Variants in UBE4B observed in about 807,000 individuals in gnomAD.
UBE4B encodes the protein ubiquitin conjugation factor E4 B.
In UBE4B, 27 loss-of-function variants were observed where a neutral mutation model predicts 148.1. That is an observed-to-expected ratio of 0.18 (90% CI 0.13 to 0.25). The LOEUF (loss-of-function observed/expected upper bound fraction) is 0.25. Among genes scored for constraint, UBE4B ranks in the 10% least tolerant of loss-of-function variants. The pLI is 1.00. For missense variants in UBE4B, 1,170 were observed against 1,662.4 expected (o/e 0.70, Z 5.15); for synonymous variants, 596 against 619.3 (o/e 0.96, Z 0.56).
chr1:10,073,920 A>ATTTTTTTTTTTTTTTTT (rs947131085), intron 2 of UBE4B, among the ~76,000 whole-genome samples: 1 of 74,852 alleles, frequency 1.3e-5, no homozygotes, highest in African/African-American at 5.6e-5. Flanking sequence ...CTTTCTTTCT[A>ATTTTTTTTTTTTTTTTT]TTTTTTTTTT....
chr1:10,051,666 A>G (rs1024063894), intron 1 of UBE4B, among the ~76,000 whole-genome samples: 3 of 152,128 alleles, frequency 2.0e-5, no homozygotes, highest in Non-Finnish European at 4.4e-5. Context: ...GTGAAGGTGG[A>G]GTGTAGAGCT....
chr1:10,047,258 A>G (rs1275535085), intron 1 of UBE4B, among the ~76,000 whole-genome samples: 1 of 151,992 alleles, frequency 6.6e-6, no homozygotes, highest in African/African-American at 2.4e-5. Context: ...ATTTTTTTCT[A>G]TTTCAAGTGA....
chr1:10,118,212 A>T (rs2101916619), intron 8 of UBE4B, among the ~76,000 whole-genome samples: 1 of 152,246 alleles, frequency 6.6e-6, no homozygotes, highest in East Asian at 1.9e-4. Context: ...TTCTGATTTT[A>T]ATTTTACGTT....
intron 21 of UBE4B, among the ~76,000 whole-genome samples, chr1:10,154,793 G>A (rs1175369227): frequency 4.0e-5 from 6 of 150,968 alleles, no homozygotes; most frequent in Non-Finnish European, 2.9e-5. Context: ...AGTGAGCCAA[G>A]ATCGTGCCAT....
chr1:10,176,485 C>A (rs1377819061), intron 25 of UBE4B, among the ~76,000 whole-genome samples: 1 of 152,110 alleles, frequency 6.6e-6, no homozygotes, highest in African/African-American at 2.4e-5. Context: ...AGTTTCCATT[C>A]TTTTTCATTT....
Position 10,110,574 on chromosome 1 carries a change from C to A in UBE4B, c.1196+3991C>A, listed in dbSNP as rs562256476. ...GTTGATCTGAAAAAAAAAATTACCCCATGGTAAAGGTACCGCAGAAGTTAT... is the reference window on the plus strand; with the variant it reads ...GTTGATCTGAAAAAAAAAATTACCCAATGGTAAAGGTACCGCAGAAGTTAT... On this transcript the variant is annotated intron_variant, in intron 7 of 27. Transcript: ENST00000343090. 9.2e-5 allele frequency among the ~76,000 whole-genome samples: 14 copies of A among 152,126 alleles called. No homozygotes were observed. The South Asian group carries it at 2.9e-3, about 32-fold the overall frequency.
intron 7 of UBE4B, among the ~76,000 whole-genome samples, chr1:10,108,351 C>A (rs887175817): frequency 6.6e-6 from 1 of 152,098 alleles, no homozygotes; most frequent in Non-Finnish European, 1.5e-5. Context: ...GAAGCCAGAC[C>A]CCATTTGTTT....
At chr1:10,108,596 C>T (rs1465824027) in intron 7 of UBE4B, among the ~76,000 whole-genome samples, 1 of 152,122 alleles carries the variant, frequency 6.6e-6, no homozygotes, top group Admixed American at 6.5e-5. Context: ...TCAAAAATAA[C>T]TCCAGGCTAT....
chr1:10,060,370 G>A (rs1374796805), intron 1 of UBE4B, among the ~76,000 whole-genome samples: 1 of 152,094 alleles, frequency 6.6e-6, no homozygotes, highest in Non-Finnish European at 1.5e-5. Context: ...GTGGGCAGTT[G>A]TACAATAACA....
chr1:10,049,712 A>G (rs1643992370), intron 1 of UBE4B, among the ~76,000 whole-genome samples: 1 of 152,052 alleles, frequency 6.6e-6, no homozygotes, highest in African/African-American at 2.4e-5. Flanking sequence ...ACCAACTTGG[A>G]CAACATAGGG....
Position 10,149,258 on chromosome 1 carries a change from C to T in UBE4B, c.2666C>T (p.Ala889Val). The change falls in exon 20 of 28, where the codon GCA becomes GTA. Residue 889 changes from alanine to valine, a missense_variant. Around this residue, in one of 6 missense-constraint regions of UBE4B, gnomAD observed 348 missense variants for 627.2 expected, o/e 0.55. Coordinates refer to ENST00000343090, the MANE Select transcript of UBE4B (RefSeq NM_001105562.3). ...CCTGAGTTTTATGTAGAAGATGTTGCAGAATTTTTATTTTTTATTGTACAG... is the reference window on the plus strand; with the variant it reads ...CCTGAGTTTTATGTAGAAGATGTTGTAGAATTTTTATTTTTTATTGTACAG... ...ALPEFYVEDVAEFLFFIVQYS... is the reference protein window; with the variant it reads ...ALPEFYVEDVVEFLFFIVQYS... 1.2e-6 allele frequency: 2 copies of T among 1,608,362 alleles called. No individual in the cohort carries two copies. Among genetic ancestry groups the T allele is most frequent in the Non-Finnish European group, 1.7e-6 (2 of 1,178,446 alleles).
chr1:10,135,849 A>G (rs1369270131), intron 16 of UBE4B, among the ~76,000 whole-genome samples: 1 of 152,082 alleles, frequency 6.6e-6, no homozygotes, highest in Non-Finnish European at 1.5e-5. Context: ...TTGAAGAAGT[A>G]GGTGATATTT....
At chr1:10,074,350 T>C (rs1644542963) in intron 2 of UBE4B, among the ~76,000 whole-genome samples, 1 of 151,880 alleles carries the variant, frequency 6.6e-6, no homozygotes, top group African/African-American at 2.4e-5. Context: ...ATGGCCTTTT[T>C]TTTTTTAACA....
At chr1:10,108,435 G>T (rs144030352) in intron 7 of UBE4B, among the ~76,000 whole-genome samples, 1 of 152,278 alleles carries the variant, frequency 6.6e-6, no homozygotes, top group Non-Finnish European at 1.5e-5. Context: ...CCTGGAAACC[G>T]AGTGAAAAGC....
chr1:10,093,498 T>G (rs1050419723), intron 2 of UBE4B, among the ~76,000 whole-genome samples: 1 of 152,306 alleles, frequency 6.6e-6, no homozygotes, highest in Admixed American at 6.5e-5. Flanking sequence ...TGCAGAAGTT[T>G]TAATAAATTA....
intron 1 of UBE4B, among the ~76,000 whole-genome samples, chr1:10,037,554 A>G (rs538159343): frequency 1.3e-5 from 2 of 152,054 alleles, no homozygotes; most frequent in South Asian, 4.2e-4. Context: ...TGGTGCTGTG[A>G]GTAGGTGGTG....
chr1:10,178,825 G>A lies in UBE4B; in HGVS notation c.3700+7G>A. The A allele has an allele frequency of 6.4e-7, 1 of 1,573,510 alleles. No homozygotes were observed. Among genetic ancestry groups the A allele is most frequent in the Non-Finnish European group, 8.6e-7 (1 of 1,162,416 alleles). On this transcript the variant is annotated splice_region_variant and intron_variant, in intron 26 of 27. Transcript: ENST00000343090. Reference sequence around the variant, plus strand: ...GCTCCTGATGAGTTCAGAGGCAAGTGGACTCGTCGTTTTCATGCTGATTTC... The same window carrying A: ...GCTCCTGATGAGTTCAGAGGCAAGTAGACTCGTCGTTTTCATGCTGATTTC...
rs192505814 is a variant in UBE4B at position 10,092,469 on chromosome 1, C to T, written c.212-2992C>T. Among the ~76,000 whole-genome samples, 1,216 of 151,946 alleles carry T rather than the reference C, an allele frequency of 8.0e-3. 11 individuals are homozygous for T. The highest frequency in any genetic ancestry group is 0.027 in the African/African-American group (1,117 of 41,498). On this transcript the variant is annotated intron_variant, in intron 2 of 27. Transcript: ENST00000343090. Reference sequence around the variant, plus strand: ...CGAACTCCTGACCTCATGATCCGCCCGCCTCAGCTCCCAAAGTGCTGGGAT... The same window carrying T: ...CGAACTCCTGACCTCATGATCCGCCTGCCTCAGCTCCCAAAGTGCTGGGAT...
At chr1:10,162,222 G>T (rs895887037) in intron 23 of UBE4B, among the ~76,000 whole-genome samples, 1 of 152,068 alleles carries the variant, frequency 6.6e-6, no homozygotes, top group Non-Finnish European at 1.5e-5. Flanking sequence ...CACCCATGCT[G>T]GAGTGCAGTG....
Sources: gnomAD v4.1 joint callset for allele counts (sites outside exome capture counted in the v4.1 genomes callset) on GRCh38, gnomAD v4.1.1 for gene constraint, gnomAD v4.1.1 regional missense constraint, MANE v1.5 for transcripts, NCBI Gene and HGNC (gene_info 2026-07-23, HGNC 2026-07-21) for gene names.